WDPCP: variants seen among roughly 807,000 people sequenced by gnomAD.
WDPCP encodes WD repeat containing planar cell polarity effector.
In WDPCP, 71 loss-of-function variants were observed where a neutral mutation model predicts 93.1. The ratio of observed to expected loss-of-function variants is 0.76; its 90% CI spans 0.63 to 0.93. The LOEUF is 0.93. Among genes scored for constraint, WDPCP ranks in the 40% least tolerant of loss-of-function variants. The probability of loss-of-function intolerance (pLI) is 0.00; values close to 1 mark genes in which losing one functional copy is unlikely to be tolerated. For synonymous variants in WDPCP, 315 were observed against 315.0 expected (o/e 1.00, Z 0.00); for missense variants, 844 against 887.4 (o/e 0.95, Z 0.62).
intron 3 of WDPCP, among the ~76,000 whole-genome samples, chr2:63,624,336 G>A (rs2106634044): frequency 6.6e-6 from 1 of 152,240 alleles, no homozygotes; most frequent in Admixed American, 6.5e-5. Context: ...ACTAAGATTA[G>A]AGCAGAACTG....
intron 3 of WDPCP, chr2:63,643,724 G>A: frequency 2.0e-6 from 1 of 511,148 alleles, no homozygotes; most frequent in Admixed American, 2.0e-5. Context: ...ACAGCAGAGT[G>A]ACCCTTGGTG....
chr2:63,372,111 G>A (rs541500627), intron 12 of WDPCP, among the ~76,000 whole-genome samples: 1 of 152,278 alleles, frequency 6.6e-6, no homozygotes, highest in East Asian at 1.9e-4. Flanking sequence ...GGAAGGCAAA[G>A]GGGGAGCCAG....
At chr2:63,794,654 A>G (rs966804091) in intron 2 of WDPCP, among the ~76,000 whole-genome samples, 24 of 152,182 alleles carry the variant, frequency 1.6e-4, no homozygotes, top group Admixed American at 1.2e-3. Context: ...GCCAAGCCCA[A>G]GGCCTATTCT....
At chr2:63,813,928 A>C (rs1246610240) in intron 1 of WDPCP, among the ~76,000 whole-genome samples, 1 of 152,220 alleles carries the variant, frequency 6.6e-6, no homozygotes. Flanking sequence ...ATAAATACCA[A>C]TGTATTCCAT....
At chr2:63,340,712 G>A (rs1483237659) in intron 12 of WDPCP, among the ~76,000 whole-genome samples, 2 of 152,158 alleles carry the variant, frequency 1.3e-5, no homozygotes, top group Non-Finnish European at 2.9e-5. Flanking sequence ...TGCTCAGAAT[G>A]TTTTCACTTC....
intron 10 of WDPCP, among the ~76,000 whole-genome samples, chr2:63,401,550 G>A (rs554200319): frequency 2.0e-5 from 3 of 152,216 alleles, no homozygotes; most frequent in African/African-American, 7.2e-5. Flanking sequence ...GAGGCAGGCA[G>A]ATCACTTCAG....
At chr2:63,126,044 C>T (rs1162034669) in intron 17 of WDPCP, among the ~76,000 whole-genome samples, 1 of 150,862 alleles carries the variant, frequency 6.6e-6, no homozygotes, top group African/African-American at 2.4e-5. Flanking sequence ...AGGTGATTTT[C>T]CCACCCTAGC....
At chr2:63,500,454 G>GTGTGTGTGTGTGTGTGTGTGTGTGT (rs1553412903) in intron 1 of WDPCP, among the ~76,000 whole-genome samples, 2 of 149,474 alleles carry the variant, frequency 1.3e-5, no homozygotes, top group Non-Finnish European at 3.0e-5. Context: ...ATGGTGTGGG[G>GTGTGTGTGTGTGTGTGTGTGTGTGT]GTGTGTGTGT....
At chr2:63,535,626 C>T (rs1558771841) in intron 1 of WDPCP, among the ~76,000 whole-genome samples, 1 of 151,998 alleles carries the variant, frequency 6.6e-6, no homozygotes, top group Non-Finnish European at 1.5e-5. Flanking sequence ...TTCCCTATTA[C>T]AATAAATGGT....
intron 14 of WDPCP, among the ~76,000 whole-genome samples, chr2:63,202,188 A>G (rs1675965559): frequency 6.6e-6 from 1 of 151,776 alleles, no homozygotes; most frequent in East Asian, 1.9e-4. Flanking sequence ...GATTTTCTTT[A>G]GTTTTATTTT....
At chr2:63,650,042 T>C (rs1710092503) in intron 3 of WDPCP, among the ~76,000 whole-genome samples, 1 of 152,154 alleles carries the variant, frequency 6.6e-6, no homozygotes, top group Non-Finnish European at 1.5e-5. Context: ...GACAGTGGTG[T>C]GTACAGCCAA....
At chr2:63,212,928 C>G (rs138723231) in intron 14 of WDPCP, among the ~76,000 whole-genome samples, 2,813 of 152,168 alleles carry the variant, frequency 0.018, 44 homozygotes, top group Non-Finnish European at 0.028. Flanking sequence ...GCTAACTATC[C>G]TAAATATATA....
chr2:63,832,811 T>C (rs1015915370), upstream of WDPCP, among the ~76,000 whole-genome samples: 1 of 152,194 alleles, frequency 6.6e-6, no homozygotes, highest in African/African-American at 2.4e-5. Flanking sequence ...AAAGAGCTTA[T>C]AGTCTATGAA....
chr2:63,335,281 A>G (rs1182061396), intron 12 of WDPCP, among the ~76,000 whole-genome samples: 4 of 151,720 alleles, frequency 2.6e-5, no homozygotes, highest in South Asian at 2.1e-4. Context: ...ATGGACCACA[A>G]TTTTTCCTGT....
chr2:63,470,589 C>G (rs1699634570), intron 6 of WDPCP, among the ~76,000 whole-genome samples: 1 of 152,178 alleles, frequency 6.6e-6, no homozygotes. Flanking sequence ...TTACCCTGGA[C>G]TACGGCAACA....
intron 6 of WDPCP, among the ~76,000 whole-genome samples, chr2:63,465,634 T>C (rs999996480): frequency 6.6e-6 from 1 of 152,190 alleles, no homozygotes; most frequent in Non-Finnish European, 1.5e-5. Context: ...TACACAGAGA[T>C]TGAAAGAAAA....
In WDPCP at chr2:63,286,151, G is replaced by A. The variant is rs570410035; in HGVS notation, c.1813-26742C>T. 9.9e-5 allele frequency among the ~76,000 whole-genome samples: 15 copies of A among 152,042 alleles called. No homozygotes were observed. The South Asian group carries it at 2.3e-3, about 23-fold the overall frequency. On this transcript the variant is annotated intron_variant, in intron 13 of 17. Transcript: ENST00000272321. Reference sequence around the variant, plus strand: ...CACCCAAGTAGCTAGGACTTCAGGCGCACACCACCACACTCAAATTTTTAA... The same window carrying A: ...CACCCAAGTAGCTAGGACTTCAGGCACACACCACCACACTCAAATTTTTAA...
At chr2:63,639,913 T>C (rs1368619001) in intron 3 of WDPCP, among the ~76,000 whole-genome samples, 1 of 152,236 alleles carries the variant, frequency 6.6e-6, no homozygotes, top group African/African-American at 2.4e-5. Context: ...CTGCAGTTTA[T>C]TGAAAAATTA....
At chr2:63,409,476 G>A (rs1235462071) in intron 9 of WDPCP, among the ~76,000 whole-genome samples, 1 of 152,122 alleles carries the variant, frequency 6.6e-6, no homozygotes, top group Non-Finnish European at 1.5e-5. Context: ...TCTGGTAACA[G>A]GACACAACAA....
Sources: gnomAD v4.1 joint callset for allele counts (sites outside exome capture counted in the v4.1 genomes callset) on GRCh38, gnomAD v4.1.1 for gene constraint, MANE v1.5 for transcripts, NCBI Gene and HGNC (gene_info 2026-07-23, HGNC 2026-07-21) for gene names.